Variants in SPATA16 observed in about 807,000 individuals in gnomAD.
SPATA16 encodes the protein spermatogenesis-associated protein 16.
In SPATA16, 36 loss-of-function variants were observed where a neutral mutation model predicts 63.3. The observed-to-expected ratio is 0.57, with a 90% confidence interval of 0.44 to 0.75. SPATA16 has a LOEUF of 0.75. SPATA16 is among the 30% of genes least tolerant of loss of function. The pLI is 0.00. For synonymous variants in SPATA16, 203 were observed against 216.7 expected (o/e 0.94, Z 0.56); for missense variants, 646 against 679.3 (o/e 0.95, Z 0.54).
intron 4 of SPATA16, among the ~76,000 whole-genome samples, chr3:172,990,161 T>C (rs370795359): frequency 1.8e-4 from 28 of 152,318 alleles, no homozygotes; most frequent in African/African-American, 6.7e-4. Context: ...CAGAGTGAAT[T>C]GCACAGTGCA....
At position 172,896,281 on chromosome 3, in the gene SPATA16, C is replaced by T. The variant is rs185918431; in HGVS notation, c.1588-6589G>A. On this transcript the variant is annotated intron_variant, in intron 10 of 10. Coordinates refer to ENST00000351008, the MANE Select transcript of SPATA16 (RefSeq NM_031955.6). ...TGTCACCCAGGCTGGAGTGCAGTGG[C>T]GTGATCTCGGCTCACTGCAAGCTCC... Among the ~76,000 whole-genome samples the T allele has an allele frequency of 3.3e-3, 501 of 152,196 alleles. 4 individuals carry two copies. The highest frequency in any genetic ancestry group is 0.011 in the African/African-American group (465 of 41,530).
intron 6 of SPATA16, among the ~76,000 whole-genome samples, chr3:172,936,041 T>A (rs1269770079): frequency 6.6e-6 from 1 of 152,148 alleles, no homozygotes; most frequent in Non-Finnish European, 1.5e-5. Flanking sequence ...AGATACAATT[T>A]TCAATGAGTG....
chr3:172,971,568 A>G (rs532841392), intron 5 of SPATA16, among the ~76,000 whole-genome samples: 1 of 152,182 alleles, frequency 6.6e-6, no homozygotes, highest in Non-Finnish European at 1.5e-5. Flanking sequence ...TGCTCCTTGA[A>G]GACAGGCAAT....
At chr3:173,019,065 G>C (rs1174773200) in intron 4 of SPATA16, among the ~76,000 whole-genome samples, 1 of 152,124 alleles carries the variant, frequency 6.6e-6, no homozygotes, top group Non-Finnish European at 1.5e-5. Flanking sequence ...AGCAAACTTG[G>C]TGTTATTTAA....
At chr3:172,942,198 C>A (rs754034657) in intron 6 of SPATA16, among the ~76,000 whole-genome samples, 1 of 152,100 alleles carries the variant, frequency 6.6e-6, no homozygotes, top group Admixed American at 6.5e-5. Flanking sequence ...GGGACTTATA[C>A]TCTGGCAGAA....
chr3:173,005,325 AAG>A lies in SPATA16; in HGVS notation c.848+14159_848+14160del, dbSNP rs1491520286. ...GTGACAGAGCAAGACTCTGTCTCAA[AAG>A]AAAAAAAAAAAAAAAAAAAAGAAAA... On this transcript the variant is annotated intron_variant, in intron 4 of 10. Coordinates refer to ENST00000351008, the MANE Select transcript of SPATA16 (RefSeq NM_031955.6). Among the ~76,000 whole-genome samples the A allele has an allele frequency of 7.2e-4, 107 of 148,400 alleles. 1 individual carries two copies. Among genetic ancestry groups the A allele is most frequent in the African/African-American group, 2.6e-3 (104 of 39,574 alleles).
chr3:172,902,564 G>A (rs1577082627), intron 10 of SPATA16, among the ~76,000 whole-genome samples: 1 of 152,274 alleles, frequency 6.6e-6, no homozygotes, highest in East Asian at 1.9e-4. Context: ...AGCTGAAGGA[G>A]CCTTCTTTCC....
intron 2 of SPATA16, among the ~76,000 whole-genome samples, chr3:173,056,705 C>CAAAAAAAAAAAAAAAAAAAAAAAAAAA (rs71162325): frequency 4.1e-5 from 3 of 73,616 alleles, no homozygotes; most frequent in African/African-American, 1.1e-4. Context: ...ACTCTTGTTT[C>CAAAAAAAAAAAAAAAAAAAAAAAAAAA]AAAAAAAAAA....
intron 4 of SPATA16, among the ~76,000 whole-genome samples, chr3:173,014,655 C>T (rs1735140966): frequency 6.6e-6 from 1 of 152,172 alleles, no homozygotes; most frequent in Admixed American, 6.5e-5. Flanking sequence ...TTAATACTAT[C>T]TCTTGAAGAT....
intron 2 of SPATA16, among the ~76,000 whole-genome samples, chr3:173,088,010 C>CTT (rs1370664517): frequency 3.6e-5 from 1 of 27,882 alleles, no homozygotes; most frequent in African/African-American, 1.3e-4. Flanking sequence ...TTCTTTCCGT[C>CTT]TTTCTTTCTT....
At chr3:173,039,590 TAAATG>T (rs1735792316) in intron 3 of SPATA16, among the ~76,000 whole-genome samples, 2 of 152,080 alleles carry the variant, frequency 1.3e-5, no homozygotes, top group African/African-American at 4.8e-5. Context: ...TATTCATGAA[TAAATG>T]GGAACAATAA....
chr3:173,129,670 A>G (rs1305371555), intron 1 of SPATA16, among the ~76,000 whole-genome samples: 1 of 152,122 alleles, frequency 6.6e-6, no homozygotes, highest in Non-Finnish European at 1.5e-5. Flanking sequence ...GTTTATACAT[A>G]AACACACATC....
chr3:172,979,042 C>T (rs1433465914), intron 4 of SPATA16, among the ~76,000 whole-genome samples: 1 of 152,128 alleles, frequency 6.6e-6, no homozygotes, highest in Non-Finnish European at 1.5e-5. Context: ...TCGAGACCAT[C>T]CTGGCTAACA....
chr3:172,926,087 A>G (rs1353845719), intron 6 of SPATA16, among the ~76,000 whole-genome samples: 1 of 152,170 alleles, frequency 6.6e-6, no homozygotes, highest in African/African-American at 2.4e-5. Context: ...TGGCCTCCCA[A>G]AATGCTGAGA....
chr3:172,925,658 C>G (rs1732713343), intron 6 of SPATA16, among the ~76,000 whole-genome samples, 166 bp from the exon 7 acceptor site: 1 of 152,024 alleles, frequency 6.6e-6, no homozygotes, highest in Non-Finnish European at 1.5e-5. Context: ...GATAACATAT[C>G]AAAATCATAT....
chr3:173,007,786 T>TA (rs1734977301), intron 4 of SPATA16, among the ~76,000 whole-genome samples: 1 of 151,788 alleles, frequency 6.6e-6, no homozygotes, highest in African/African-American at 2.4e-5. Flanking sequence ...TTTTTTTTTT[T>TA]AACAGCTGGC....
At chr3:172,963,018 A>T (rs534778709) in intron 5 of SPATA16, among the ~76,000 whole-genome samples, 14 of 152,102 alleles carry the variant, frequency 9.2e-5, no homozygotes, top group Non-Finnish European at 1.6e-4. Context: ...AACCCTATAA[A>T]CACAATCACT....
At chr3:172,935,880 C>G (rs1732979738) in intron 6 of SPATA16, among the ~76,000 whole-genome samples, 1 of 152,072 alleles carries the variant, frequency 6.6e-6, no homozygotes, top group Non-Finnish European at 1.5e-5. Flanking sequence ...ATAAACTGCT[C>G]TGATTGGTAA....
intron 2 of SPATA16, among the ~76,000 whole-genome samples, chr3:173,066,179 T>C (rs905928510): frequency 1.3e-5 from 2 of 151,770 alleles, no homozygotes; most frequent in Non-Finnish European, 2.9e-5. Flanking sequence ...TTTCAGGCAT[T>C]TGGTGCTGGA....
Sources: allele counts gnomAD v4.1 joint callset (sites outside exome capture counted in the v4.1 genomes callset), GRCh38; gene constraint gnomAD v4.1.1; transcripts MANE v1.5; gene names NCBI Gene and HGNC (gene_info 2026-07-23, HGNC 2026-07-21).